Variants in LRP6 observed in about 807,000 individuals in gnomAD.
LRP6 encodes LDL receptor related protein 6, also known as low-density lipoprotein receptor-related protein 6.
LRP6 carries 43 observed loss-of-function variants against 184.1 expected under a neutral mutation model. That is an observed-to-expected ratio of 0.23 (90% confidence interval 0.18 to 0.30). The LOEUF is 0.30. Among genes scored for constraint, LRP6 ranks in the 10% least tolerant of loss-of-function variants. LRP6 has a pLI of 1.00. For missense variants in LRP6, 1,571 were observed against 2,005.3 expected, an observed-to-expected ratio of 0.78 and a Z score of 4.14; for synonymous variants, 719 against 684.9, an observed-to-expected ratio of 1.05 and a Z score of -0.78.
intron 1 of LRP6, among the ~76,000 whole-genome samples, chr12:12,258,947 G>A (rs1056037317): frequency 4.6e-5 from 7 of 151,808 alleles, no homozygotes; most frequent in East Asian, 1.9e-4. Context: ...CCAATATTTG[G>A]GTGACTATTT....
intron 9 of LRP6, 42 bp from the exon 10 acceptor site, chr12:12,162,461 T>C (rs1365094416): frequency 6.6e-7 from 1 of 1,517,208 alleles, no homozygotes; most frequent in South Asian, 1.1e-5. Flanking sequence ...GGCATAAGTC[T>C]AAACCCTATC....
intron 3 of LRP6, among the ~76,000 whole-genome samples, chr12:12,195,468 CAT>C (rs1224609052): frequency 6.6e-6 from 1 of 152,010 alleles, no homozygotes; most frequent in African/African-American, 2.4e-5. Context: ...AGCATTTTTT[CAT>C]ATGTTTGTGG....
chr12:12,215,476 A>G (rs1452212794), intron 2 of LRP6, among the ~76,000 whole-genome samples: 1 of 151,764 alleles, frequency 6.6e-6, no homozygotes, highest in Non-Finnish European at 1.5e-5. Context: ...CCCAAACTGG[A>G]GTGCAATAGC....
chr12:12,192,250 C>T (rs762978434), intron 3 of LRP6, among the ~76,000 whole-genome samples: 6 of 151,832 alleles, frequency 4.0e-5, no homozygotes, highest in African/African-American at 7.2e-5. Flanking sequence ...ATGCACGTTG[C>T]AATCCCTAAA....
At chr12:12,193,887 C>T (rs563032690) in intron 3 of LRP6, among the ~76,000 whole-genome samples, 2 of 152,088 alleles carry the variant, frequency 1.3e-5, no homozygotes, top group African/African-American at 4.8e-5. Flanking sequence ...CAAATAAACA[C>T]AAGAAAAACA....
chr12:12,179,782 C>A, intron 7 of LRP6, 28 bp downstream of exon 7: 1 of 1,612,062 alleles, frequency 6.2e-7, no homozygotes, highest in Non-Finnish European at 8.5e-7. Context: ...ATAAAAGTGG[C>A]TTGAAAATGA....
At chr12:12,212,595 A>G (rs1181333) in intron 2 of LRP6, among the ~76,000 whole-genome samples, 27,142 of 152,086 alleles carry the variant, frequency 0.18, 2,544 homozygotes, top group African/African-American at 0.23. Flanking sequence ...CAAAACTTAT[A>G]GTTTCACTGG....
intron 2 of LRP6, among the ~76,000 whole-genome samples, chr12:12,213,823 C>T (rs2137065333): frequency 6.6e-6 from 1 of 152,156 alleles, no homozygotes; most frequent in East Asian, 1.9e-4. Flanking sequence ...CTATTTTTTA[C>T]ACCAATAATG....
chr12:12,204,685 G>T (rs1477266381), intron 2 of LRP6, among the ~76,000 whole-genome samples: 1 of 152,116 alleles, frequency 6.6e-6, no homozygotes, highest in Admixed American at 6.5e-5. Flanking sequence ...CACTTTGGGA[G>T]GTCGAGGCAC....
chr12:12,243,391 TCA>T (rs1865110623), intron 2 of LRP6, among the ~76,000 whole-genome samples: 1 of 152,220 alleles, frequency 6.6e-6, no homozygotes, highest in Admixed American at 6.5e-5. Flanking sequence ...AAATAACGCT[TCA>T]GAGTGTAACA....
At chr12:12,217,446 A>G (rs1010845410) in intron 2 of LRP6, among the ~76,000 whole-genome samples, 4 of 152,194 alleles carry the variant, frequency 2.6e-5, no homozygotes, top group African/African-American at 9.7e-5. Context: ...ATGTAATAAT[A>G]ATAGAAATAA....
chr12:12,232,103 G>T (rs117270679), intron 2 of LRP6, among the ~76,000 whole-genome samples: 2 of 152,156 alleles, frequency 1.3e-5, no homozygotes, highest in South Asian at 4.1e-4. Flanking sequence ...TAAGTGGTCG[G>T]CTGGGCACGG....
In LRP6 at chr12:12,121,054, C is replaced by G. The variant is rs957714678; in HGVS notation, c.*72G>C. On this transcript the variant is annotated 3_prime_UTR_variant, in exon 23 of 23. Transcript: ENST00000261349. The stretch of plus-strand genomic sequence containing the variant: ...CATCCTTCTCTAATAGCTCCCTCCC[C>G]CCCTCCAGATCTCAACCAAATTTAT... The G allele has an allele frequency of 5.1e-6, 7 of 1,376,162 alleles. No individual in the cohort carries two copies. The highest frequency in any genetic ancestry group is 1.5e-5 in the African/African-American group (1 of 68,684). The allele number at this position is 1,376,162 out of a possible 1,614,324, so 85.2% of individuals were successfully genotyped here. A position where few individuals can be genotyped will look rare whatever the true frequency, so the allele number is the denominator to read the frequency against.
intron 1 of LRP6, among the ~76,000 whole-genome samples, chr12:12,254,159 A>AAG (rs1555126538): frequency 2.0e-5 from 3 of 147,708 alleles, no homozygotes; most frequent in East Asian, 3.9e-4. Flanking sequence ...AAAAAAAAAA[A>AAG]AAAAAAGAAA....
intron 1 of LRP6, among the ~76,000 whole-genome samples, chr12:12,260,646 T>G (rs1435964897): frequency 6.6e-6 from 1 of 152,218 alleles, no homozygotes; most frequent in Non-Finnish European, 1.5e-5. Context: ...ATTCAATGTC[T>G]ACTATTGACT....
intron 20 of LRP6, 42 bp from the exon 21 acceptor site, chr12:12,125,474 T>C (rs370540935): frequency 3.9e-6 from 6 of 1,522,142 alleles, no homozygotes; most frequent in East Asian, 2.3e-5. Context: ...GAGTATGATA[T>C]ATAAAAATGT....
intron 2 of LRP6, among the ~76,000 whole-genome samples, chr12:12,206,533 A>C (rs1362566129): frequency 1.8e-5 from 2 of 110,778 alleles, no homozygotes; most frequent in Non-Finnish European, 3.7e-5. Flanking sequence ...ACAGAGCGAG[A>C]CTCCATCTCA....
At chr12:12,161,386 G>A (rs867063331) in intron 10 of LRP6, among the ~76,000 whole-genome samples, 1 of 152,122 alleles carries the variant, frequency 6.6e-6, no homozygotes, top group South Asian at 2.1e-4. Context: ...TCCTGCTTTA[G>A]CCTCCAGAGT....
chr12:12,222,755 G>A (rs999872062), intron 2 of LRP6, among the ~76,000 whole-genome samples: 38 of 152,070 alleles, frequency 2.5e-4, no homozygotes, highest in Admixed American at 5.9e-4. Flanking sequence ...TACATCTACA[G>A]AATCAGAATC....
Sources: gnomAD v4.1 joint callset for allele counts (sites outside exome capture counted in the v4.1 genomes callset) on GRCh38, gnomAD v4.1.1 for gene constraint, MANE v1.5 for transcripts, NCBI Gene and HGNC (gene_info 2026-07-23, HGNC 2026-07-21) for gene names.